Variants in TBC1D5 observed in about 807,000 individuals in gnomAD.
TBC1D5 encodes the protein TBC1 domain family member 5.
Under a neutral mutation model 100.3 loss-of-function variants are expected in TBC1D5, and 75 were observed. The observed-to-expected ratio is 0.75, with a 90% CI of 0.62 to 0.91. The LOEUF (loss-of-function observed/expected upper bound fraction) is 0.91. TBC1D5 is among the 40% of genes least tolerant of loss of function. The pLI, the probability that TBC1D5 is intolerant of heterozygous loss-of-function variation, is 0.00. For synonymous variants in TBC1D5, 323 were observed against 325.6 expected (o/e 0.99, Z 0.09); for missense variants, 910 against 942.4 (o/e 0.97, Z 0.45).
chr3:17,177,551 T>C (rs768221492), intron 19 of TBC1D5, among the ~76,000 whole-genome samples: 7 of 152,196 alleles, frequency 4.6e-5, no homozygotes, highest in Non-Finnish European at 1.0e-4. Flanking sequence ...TATGAATATG[T>C]TAACATGTTT....
At chr3:17,333,289 C>T (rs1344644770) in intron 13 of TBC1D5, 4 of 152,196 alleles carry the variant, frequency 2.6e-5, no homozygotes, top group Non-Finnish European at 5.9e-5. Context: ...AGTTTTTATA[C>T]ATATACAGAA....
intron 1 of TBC1D5, among the ~76,000 whole-genome samples, chr3:17,646,636 T>C (rs762868026): frequency 2.6e-5 from 4 of 152,174 alleles, no homozygotes; most frequent in Non-Finnish European, 4.4e-5. Context: ...CCTGGACTAA[T>C]GTTCACGAAA....
At chr3:17,598,873 C>T (rs1560246191) in intron 2 of TBC1D5, among the ~76,000 whole-genome samples, 1 of 152,152 alleles carries the variant, frequency 6.6e-6, no homozygotes, top group Non-Finnish European at 1.5e-5. Flanking sequence ...TGCCTATTAG[C>T]TCCCTCACAC....
intron 1 of TBC1D5, among the ~76,000 whole-genome samples, chr3:17,737,382 T>C (rs2077041910): frequency 6.6e-6 from 1 of 152,210 alleles, no homozygotes. Flanking sequence ...TCTAAACTAA[T>C]ACTTGTGGTA....
intron 4 of TBC1D5, among the ~76,000 whole-genome samples, chr3:17,424,286 T>G (rs530760978): frequency 2.6e-5 from 4 of 152,356 alleles, no homozygotes; most frequent in African/African-American, 9.6e-5. Flanking sequence ...TAGTCATATG[T>G]GCTGGCAAGG....
intron 13 of TBC1D5, among the ~76,000 whole-genome samples, chr3:17,358,019 T>C (rs1362841878): frequency 1.3e-5 from 2 of 152,146 alleles, no homozygotes; most frequent in African/African-American, 4.8e-5. Context: ...AAAATATATA[T>C]GTAGTTCTGT....
At chr3:17,327,831 C>G (rs1159837622) in intron 13 of TBC1D5, among the ~76,000 whole-genome samples, 1 of 151,720 alleles carries the variant, frequency 6.6e-6, no homozygotes, top group African/African-American at 2.4e-5. Flanking sequence ...GTTTTTTTTC[C>G]CCATTACTGT....
intron 1 of TBC1D5, among the ~76,000 whole-genome samples, chr3:17,688,890 A>C (rs563099357): frequency 1.3e-5 from 2 of 152,324 alleles, no homozygotes; most frequent in East Asian, 3.9e-4. Context: ...TACTTGTATA[A>C]TGAACACATC....
intron 15 of TBC1D5, among the ~76,000 whole-genome samples, chr3:17,273,721 C>T (rs1018571963): frequency 4.6e-5 from 7 of 151,008 alleles, no homozygotes; most frequent in African/African-American, 1.7e-4. Context: ...GCAGGAGCAT[C>T]GCTTGAACCC....
At chr3:17,499,467 G>A (rs2095757099) in intron 3 of TBC1D5, among the ~76,000 whole-genome samples, 1 of 136,114 alleles carries the variant, frequency 7.3e-6, no homozygotes, top group Non-Finnish European at 1.5e-5. Context: ...CAGCACTTTG[G>A]GAGGCCCATG....
At chr3:17,448,077 T>C (rs2094840270) in intron 3 of TBC1D5, among the ~76,000 whole-genome samples, 1 of 152,198 alleles carries the variant, frequency 6.6e-6, no homozygotes, top group South Asian at 2.1e-4. Flanking sequence ...GACAGGCAGA[T>C]CACCGGAGCC....
At chr3:17,581,449 A>G (rs1337967067) in intron 2 of TBC1D5, among the ~76,000 whole-genome samples, 1 of 152,136 alleles carries the variant, frequency 6.6e-6, no homozygotes, top group African/African-American at 2.4e-5. Context: ...GACATCTCCA[A>G]CTTATATTCA....
rs117462665 is a variant in TBC1D5, at chr3:17,722,661, C to T, written c.-101+16682G>A. Among the ~76,000 whole-genome samples the T allele has an allele frequency of 1.1e-3, 160 of 152,320 alleles. 2 individuals are homozygous for T. The South Asian group carries it at 0.018, about 18-fold the overall frequency. On this transcript the variant is annotated intron_variant, in intron 1 of 21. Coordinates refer to ENST00000253692, the Ensembl canonical transcript of TBC1D5. The stretch of plus-strand genomic sequence containing the variant: ...GCCTTTTACAAACATAACTGCAATA[C>T]ACCCACAATACACCTGCAAGGTAGT...
At chr3:17,161,898 G>C (rs997031838) in intron 21 of TBC1D5, among the ~76,000 whole-genome samples, 5 of 152,142 alleles carry the variant, frequency 3.3e-5, no homozygotes, top group African/African-American at 4.8e-5. Context: ...GTAACCGGTA[G>C]GTTCTACAAA....
At chr3:17,228,862 T>C (rs1004155089) in intron 17 of TBC1D5, among the ~76,000 whole-genome samples, 3 of 152,078 alleles carry the variant, frequency 2.0e-5, no homozygotes, top group Non-Finnish European at 4.4e-5. Context: ...GAGCCTAAAA[T>C]GACTGAATGA....
At chr3:17,695,578 G>A (rs1165660755) in intron 1 of TBC1D5, among the ~76,000 whole-genome samples, 2 of 152,138 alleles carry the variant, frequency 1.3e-5, no homozygotes, top group African/African-American at 4.8e-5. Context: ...CCCAATACAG[G>A]AGCACCCAGA....
chr3:17,418,262 G>T (rs890917380), intron 4 of TBC1D5, among the ~76,000 whole-genome samples: 1 of 152,010 alleles, frequency 6.6e-6, no homozygotes, highest in Non-Finnish European at 1.5e-5. Flanking sequence ...TTAATTTTGT[G>T]TGATTTAAAG....
At chr3:17,162,989 C>G (rs1231944015) in intron 21 of TBC1D5, among the ~76,000 whole-genome samples, 2 of 152,206 alleles carry the variant, frequency 1.3e-5, no homozygotes, top group African/African-American at 4.8e-5. Context: ...AATAAAAGAG[C>G]ATGTTTAGCA....
intron 2 of TBC1D5, among the ~76,000 whole-genome samples, chr3:17,583,017 G>A (rs2096709475): frequency 6.6e-6 from 1 of 152,132 alleles, no homozygotes; most frequent in East Asian, 1.9e-4. Flanking sequence ...AGGAATGGTG[G>A]CTTATGCCTA....
Sources: gnomAD v4.1 joint callset for allele counts (sites outside exome capture counted in the v4.1 genomes callset) on GRCh38, gnomAD v4.1.1 for gene constraint, MANE v1.5 for transcripts, NCBI Gene and HGNC (gene_info 2026-07-23, HGNC 2026-07-21) for gene names.